Variants in SFRP1 observed in about 807,000 individuals in gnomAD.
SFRP1 encodes secreted frizzled-related protein 1.
SFRP1 carries 9 observed loss-of-function variants against 25.9 expected under a neutral mutation model. The observed-to-expected ratio is 0.35, with a 90% CI of 0.21 to 0.61. The LOEUF is 0.61. SFRP1 is among the 20% of genes least tolerant of loss of function. SFRP1 has a pLI of 0.78. For missense variants in SFRP1, 346 were observed against 418.2 expected (o/e 0.83, Z 1.51); for synonymous variants, 178 against 174.0 (o/e 1.02, Z -0.18).
chr8:41,268,157 G>A (rs2117478619), intron 2 of SFRP1, among the ~76,000 whole-genome samples: 1 of 152,332 alleles, frequency 6.6e-6, no homozygotes, highest in East Asian at 1.9e-4. Context: ...CACATGCTGG[G>A]CTCTGCAGAT....
chr8:41,265,773 T>A (rs1356127921), intron 2 of SFRP1, among the ~76,000 whole-genome samples: 1 of 152,132 alleles, frequency 6.6e-6, no homozygotes, highest in East Asian at 1.9e-4. Context: ...TCTTTTGGAA[T>A]CTCCAGTGTT....
chr8:41,298,803 A>T (rs1803874906), intron 2 of SFRP1, among the ~76,000 whole-genome samples: 1 of 152,184 alleles, frequency 6.6e-6, no homozygotes, highest in African/African-American at 2.4e-5. Flanking sequence ...TTTTGTATCC[A>T]TTAAAAAAAT....
At chr8:41,302,861 G>A (rs1430156656) in intron 2 of SFRP1, among the ~76,000 whole-genome samples, 1 of 151,694 alleles carries the variant, frequency 6.6e-6, no homozygotes, top group African/African-American at 2.4e-5. Flanking sequence ...TTTCGATGGA[G>A]AGTGACTTGG....
In SFRP1 at chr8:41,265,440, C is replaced by A; in HGVS notation, c.672G>T (p.Lys224Asn). Residue 224 changes from lysine (K) to asparagine (N), a missense_variant, in exon 3 of 3, where the codon AAG (lysine) becomes AAT (asparagine). Physicochemically the swap from Lys to Asn is moderately conservative, Grantham distance 94 (BLOSUM62 0). Coordinates refer to ENST00000220772, the MANE Select transcript of SFRP1 (RefSeq NM_003012.5). ...GGGGCTTCTTCTTCTTGGGGACAAT[C>A]TTCTTGTCGCCATTTTCTTTTTTCA... ...KEVKKENGDK[K>N]IVPKKKKPLK... is the part of the protein sequence containing the mutation. The A allele has an allele frequency of 6.2e-7, 1 of 1,609,384 alleles. No individual in the cohort carries two copies. The highest frequency in any genetic ancestry group is 1.1e-5 in the South Asian group (1 of 89,716).
intron 2 of SFRP1, among the ~76,000 whole-genome samples, chr8:41,285,340 C>G (rs946631241): frequency 1.3e-5 from 2 of 152,158 alleles, no homozygotes; most frequent in Non-Finnish European, 2.9e-5. Context: ...ACGCACTATT[C>G]CCTTCACACA....
In SFRP1 at chr8:41,262,164, G is replaced by A. The variant is rs1803383252; in HGVS notation, c.*3003C>T. 1 of 152,412 alleles carries A rather than the reference G, an allele frequency of 6.6e-6. No individual in the cohort carries two copies. The highest frequency in any genetic ancestry group is 6.5e-5 in the Admixed American group (1 of 15,278). 9.4% of individuals were successfully genotyped at this position (152,412 alleles called of 1,614,324 possible). A position where few individuals can be genotyped will look rare whatever the true frequency, so the allele number is the denominator to read the frequency against. ...TTCAAAGCTTTTGTAAGAGACTTAGGATCTAAAAGAGGAGTACTACAGGAA... is the reference window on the plus strand; with the variant it reads ...TTCAAAGCTTTTGTAAGAGACTTAGAATCTAAAAGAGGAGTACTACAGGAA... On this transcript the variant is annotated 3_prime_UTR_variant, in exon 3 of 3. Coordinates refer to ENST00000220772, the MANE Select transcript of SFRP1 (RefSeq NM_003012.5).
At position 41,290,886 on chromosome 8, in the gene SFRP1, C is replaced by CTTTTTTTTTTTTTTTTTTTTTTTTTT. The variant is rs561965318; in HGVS notation, c.622+12549_622+12574dup. On this transcript the variant is annotated intron_variant, in intron 2 of 2. Transcript: ENST00000220772. ...GTCTTCTTCTCCTCCTCTTCCTCGTCTTTTTTTTTTTTTTTTTTTTTTTTT... is the reference window on the plus strand; with the variant it reads ...GTCTTCTTCTCCTCCTCTTCCTCGTCTTTTTTTTTTTTTTTTTTTTTTTTTTTTTTTTTTTTTTTTTTTTTTTTTTT... 9.3e-5 allele frequency among the ~76,000 whole-genome samples: 5 copies of CTTTTTTTTTTTTTTTTTTTTTTTTTT among 53,876 alleles called. 1 individual carries two copies. The highest frequency in any genetic ancestry group is 1.2e-4 in the Non-Finnish European group (3 of 24,602). The allele number at this position is 53,876 out of a possible 152,430, so 35.3% of individuals were successfully genotyped here.
At chr8:41,280,020 G>T (rs183954423) in intron 2 of SFRP1, among the ~76,000 whole-genome samples, 66 of 152,320 alleles carry the variant, frequency 4.3e-4, no homozygotes, top group Non-Finnish European at 7.2e-4. Context: ...AGACAGAGGG[G>T]CCCTGGTGGC....
At position 41,308,694 on chromosome 8, in the gene SFRP1, T is replaced by G; in HGVS notation, c.466A>C (p.Lys156Gln). 1 of 1,611,564 alleles carries G rather than the reference T, an allele frequency of 6.2e-7. No homozygotes were observed. Among genetic ancestry groups the G allele is most frequent in the Non-Finnish European group, 8.5e-7 (1 of 1,178,900 alleles). The change falls in exon 1 of 3, where the codon AAG becomes CAG. Residue 156 changes from lysine to glutamine, a missense_variant. Coordinates refer to ENST00000220772, the MANE Select transcript of SFRP1 (RefSeq NM_003012.5). ...TCCCCCTCGGGGAACTTGTCACACT[T>G]AAGCATCTCGGGCCAGTAGAAGCCG... ...FFGFYWPEML[K>Q]CDKFPEGDVC...
intron 1 of SFRP1, among the ~76,000 whole-genome samples, chr8:41,307,238 A>C (rs112802950): frequency 0.051 from 7,726 of 152,210 alleles, 565 homozygotes; most frequent in African/African-American, 0.17. Context: ...TCCACTCCCA[A>C]CACCAGAGTT....
At chr8:41,273,487 A>G (rs1221586076) in intron 2 of SFRP1, among the ~76,000 whole-genome samples, 1 of 152,216 alleles carries the variant, frequency 6.6e-6, no homozygotes, top group African/African-American at 2.4e-5. Context: ...CTCAAAAAAA[A>G]AAGGCATTAT....
rs1307052705 is a variant in SFRP1 at position 41,308,563 on chromosome 8, C to A, written c.544+53G>T. ...GGGTGGCGCGGGTTCTCCTGCAGCTCCGGCCGGGGGATGGAGGGGGCGGCT... is the reference window on the plus strand; with the variant it reads ...GGGTGGCGCGGGTTCTCCTGCAGCTACGGCCGGGGGATGGAGGGGGCGGCT... On this transcript the variant is annotated intron_variant, in intron 1 of 2. Coordinates refer to ENST00000220772, the MANE Select transcript of SFRP1 (RefSeq NM_003012.5). 3.6e-5 allele frequency: 52 copies of A among 1,437,714 alleles called. No individual in the cohort carries two copies. In the South Asian group the frequency reaches 4.6e-4, roughly 13 times the overall value. 89.1% of individuals were successfully genotyped at this position (1,437,714 alleles called of 1,614,324 possible). A position where few individuals can be genotyped will look rare whatever the true frequency, so the allele number is the denominator to read the frequency against.
chr8:41,307,804 G>T (rs60062778), intron 1 of SFRP1, among the ~76,000 whole-genome samples: 1 of 152,148 alleles, frequency 6.6e-6, no homozygotes, highest in African/African-American at 2.4e-5. Context: ...CGGTCCCTCA[G>T]GCTGTTAGGA....
intron 1 of SFRP1, among the ~76,000 whole-genome samples, chr8:41,304,688 AT>A (rs1803971780): frequency 6.6e-6 from 1 of 151,986 alleles, no homozygotes. Flanking sequence ...TGGCTCAGAC[AT>A]TGAAATAGGC....
At position 41,265,006 on chromosome 8, in the gene SFRP1, G is replaced by C. The variant is rs1458531733; in HGVS notation, c.*161C>G. On this transcript the variant is annotated 3_prime_UTR_variant, in exon 3 of 3. Transcript: ENST00000220772. Reference sequence around the variant, plus strand: ...CCCTGGGGTTTGGAGCGTGGCTATGGAGGGAAGGGAGCGGGAATGCTGCAA... The same window carrying C: ...CCCTGGGGTTTGGAGCGTGGCTATGCAGGGAAGGGAGCGGGAATGCTGCAA... 1 of 611,360 alleles carries C rather than the reference G, an allele frequency of 1.6e-6. No individual in the cohort carries two copies. The highest frequency in any genetic ancestry group is 2.8e-5 in the East Asian group (1 of 36,110). The allele number at this position is 611,360 out of a possible 1,614,324, so 37.9% of individuals were successfully genotyped here. A position where few individuals can be genotyped will look rare whatever the true frequency, so the allele number is the denominator to read the frequency against.
chr8:41,295,814 T>C (rs748399713), intron 2 of SFRP1, among the ~76,000 whole-genome samples: 10 of 151,832 alleles, frequency 6.6e-5, no homozygotes, highest in Non-Finnish European at 1.3e-4. Flanking sequence ...CCTGCCACCA[T>C]GCCCTGGCCC....
chr8:41,297,776 C>G (rs1264338290), intron 2 of SFRP1, among the ~76,000 whole-genome samples: 1 of 151,924 alleles, frequency 6.6e-6, no homozygotes, highest in African/African-American at 2.4e-5. Flanking sequence ...TGCTACACTG[C>G]CGGCTTTCCC....
At chr8:41,287,669 G>A (rs1338807404) in intron 2 of SFRP1, among the ~76,000 whole-genome samples, 5 of 152,196 alleles carry the variant, frequency 3.3e-5, no homozygotes, top group African/African-American at 4.8e-5. Flanking sequence ...GAATAGATTC[G>A]TGTGTATTAT....
rs761271626 is a variant in SFRP1 at position 41,308,635 on chromosome 8, G to A, written c.525C>T (p.Thr175=). The change falls in exon 1 of 3, where the codon ACC becomes ACT. Residue 175 remains threonine (T), a synonymous_variant. Transcript: ENST00000220772. ...CCTTACCTTGGGGCTTGGAGGCTTC[G>A]GTGGCATTGGGCGGCGTCATGGCGA... The part of the protein sequence containing the change: ...VCIAMTPPNA[T]EASKPQGTTV... The A allele has an allele frequency of 1.9e-6, 3 of 1,603,450 alleles. No individual in the cohort carries two copies. Among genetic ancestry groups the A allele is most frequent in the Non-Finnish European group, 1.7e-6 (2 of 1,173,144 alleles).
Sources: allele counts gnomAD v4.1 joint callset (sites outside exome capture counted in the v4.1 genomes callset), GRCh38; gene constraint gnomAD v4.1.1; transcripts MANE v1.5; gene names NCBI Gene and HGNC (gene_info 2026-07-23, HGNC 2026-07-21).